The following SSH1 variants were observed in gnomAD, a reference collection of about 807,000 sequenced individuals.
The protein encoded by SSH1 is slingshot protein phosphatase 1.
In SSH1, 43 loss-of-function variants were observed where a neutral mutation model predicts 79.7. The observed-to-expected ratio is 0.54, with a 90% CI of 0.42 to 0.70. The LOEUF is 0.70. Among genes scored for constraint, SSH1 ranks in the 30% least tolerant of loss-of-function variants. SSH1 has a pLI of 0.00. For missense variants in SSH1, 1,206 were observed against 1,358.8 expected (o/e 0.89, Z 1.77); for synonymous variants, 599 against 538.3 (o/e 1.11, Z -1.56).
Position 108,787,784 on chromosome 12 carries a change from C to G in SSH1, c.*204G>C, listed in dbSNP as rs1592994386. ...GCCGGCGGCTCCTGGTTCTCCCAGG[C>G]CACACGACTGACAGCTCCCCTTCTT... On this transcript the variant is annotated 3_prime_UTR_variant, in exon 15 of 15. Coordinates refer to ENST00000326495, the MANE Select transcript of SSH1 (RefSeq NM_018984.4). 1 of 670,954 alleles carries G rather than the reference C, an allele frequency of 1.5e-6. No individual in the cohort carries two copies. The highest frequency in any genetic ancestry group is 2.8e-5 in the East Asian group (1 of 35,610). 41.6% of individuals were successfully genotyped at this position (670,954 alleles called of 1,614,324 possible).
In SSH1 at chr12:108,788,604, T is replaced by A. The variant is rs755165888; in HGVS notation, c.2534A>T (p.Asp845Val). 1.9e-6 allele frequency: 3 copies of A among 1,608,814 alleles called. No homozygotes were observed. In the East Asian group the frequency reaches 6.7e-5, roughly 36 times the overall value. ...GGCCTCCAGCCTGCTGGCAGGGCCA[T>A]CCCTGGAGGGAGGTGCTGGGTCTGC... is the stretch of plus-strand genomic sequence containing the variant. ...VPADPAPPSR[D>V]GPASRLEASI... Residue 845 changes from aspartate (D) to valine (V), a missense_variant, in exon 15 of 15, where the codon GAT becomes GTT. Physicochemically the swap from Asp to Val is radical, Grantham distance 152. Transcript: ENST00000326495.
chr12:108,807,572 G>T lies in SSH1; in HGVS notation c.731+61C>A. 1 of 1,559,534 alleles carries T rather than the reference G, an allele frequency of 6.4e-7. No homozygotes were observed. The highest frequency in any genetic ancestry group is 8.8e-7 in the Non-Finnish European group (1 of 1,133,774). ...AGGTTCAGGGTCGGGCACAGGGCAGGTGGGGGAGAGGCAGGTGCCTGTGGG... is the reference window on the plus strand; with the variant it reads ...AGGTTCAGGGTCGGGCACAGGGCAGTTGGGGGAGAGGCAGGTGCCTGTGGG... On this transcript the variant is annotated intron_variant, in intron 8 of 14. Coordinates refer to ENST00000326495, the MANE Select transcript of SSH1 (RefSeq NM_018984.4). This position sits in a 1 kb window ranked among gnomAD's most constrained non-coding sequence, Gnocchi z 5.2.
intron 2 of SSH1, among the ~76,000 whole-genome samples, chr12:108,833,529 CCTAA>C (rs2038524615): frequency 6.6e-6 from 1 of 152,184 alleles, no homozygotes; most frequent in African/African-American, 2.4e-5. Flanking sequence ...GTCACCGAGT[CCTAA>C]CTTTGTCAGA....
intron 13 of SSH1, 61 bp from the exon 14 acceptor site, chr12:108,792,890 A>C: frequency 1.2e-6 from 2 of 1,605,478 alleles, no homozygotes; most frequent in Non-Finnish European, 1.7e-6. Context: ...GGGTGCTGGG[A>C]AGAGTATGCG....
chr12:108,845,649 T>C (rs1168739517), intron 2 of SSH1, among the ~76,000 whole-genome samples: 1 of 152,232 alleles, frequency 6.6e-6, no homozygotes, highest in African/African-American at 2.4e-5. Context: ...ATTGCGCCAT[T>C]GCACTCTAGC....
intron 7 of SSH1, among the ~76,000 whole-genome samples, chr12:108,809,456 CA>C (rs200047288): frequency 1.3e-3 from 145 of 114,158 alleles, no homozygotes; most frequent in Admixed American, 2.0e-3. Flanking sequence ...GACCCTGTCT[CA>C]AAAAAAAAAA....
At chr12:108,835,895 ATAT>A (rs2038596585) in intron 2 of SSH1, among the ~76,000 whole-genome samples, 1 of 142,524 alleles carries the variant, frequency 7.0e-6, no homozygotes, top group Non-Finnish European at 1.5e-5. Context: ...AATTATAACT[ATAT>A]TAATATAATT....
At chr12:108,826,093 T>A (rs561753669) in intron 2 of SSH1, 4 of 445,442 alleles carry the variant, frequency 9.0e-6, no homozygotes, top group South Asian at 3.2e-5. Flanking sequence ...AAAAAAAAAA[T>A]TCATACTGAC....
chr12:108,799,955 G>A (rs867645167), intron 12 of SSH1, among the ~76,000 whole-genome samples: 8 of 152,204 alleles, frequency 5.3e-5, no homozygotes, highest in African/African-American at 4.8e-5. Flanking sequence ...GGTGGGAGCC[G>A]GCTCTGGTTT....
intron 2 of SSH1, among the ~76,000 whole-genome samples, chr12:108,847,866 G>A (rs796926735): frequency 2.6e-5 from 4 of 152,308 alleles, no homozygotes; most frequent in African/African-American, 9.6e-5. Flanking sequence ...ATTGTAAGGC[G>A]GGTGTGGCAC....
At chr12:108,836,842 C>T in intron 2 of SSH1, 1 of 506,986 alleles carries the variant, frequency 2.0e-6, no homozygotes. Flanking sequence ...GGTGATGTTC[C>T]AGCCAAATAC....
chr12:108,805,972 G>T (rs2037250617), intron 9 of SSH1, among the ~76,000 whole-genome samples: 1 of 151,954 alleles, frequency 6.6e-6, no homozygotes, highest in Admixed American at 6.6e-5. Context: ...AGAACAAGGG[G>T]GTGTTATTAA....
intron 13 of SSH1, among the ~76,000 whole-genome samples, chr12:108,796,192 G>A (rs889126641): frequency 2.0e-5 from 3 of 152,008 alleles, no homozygotes; most frequent in African/African-American, 4.8e-5. Flanking sequence ...CTGGGATTAC[G>A]GGCATGAGCC....
At chr12:108,830,552 G>A (rs898599901) in intron 2 of SSH1, among the ~76,000 whole-genome samples, 4 of 152,076 alleles carry the variant, frequency 2.6e-5, no homozygotes, top group Admixed American at 6.6e-5. Flanking sequence ...ATAGGTACAC[G>A]TCGATGTTTT....
intron 11 of SSH1, 70 bp downstream of exon 11, chr12:108,802,252 C>G: frequency 1.4e-6 from 2 of 1,468,926 alleles, no homozygotes; most frequent in Non-Finnish European, 1.9e-6. Context: ...AAGGTCTCCC[C>G]CTCCATGGCA....
rs987752216 is a variant in SSH1, at chr12:108,778,761, C to T, written c.*9227G>A. ...GGTCTACCACCACCACCACCACCAC[C>T]ACCACAATGTACCATTTGTGGGATA... On this transcript the variant is annotated 3_prime_UTR_variant, in exon 15 of 15. Transcript: ENST00000326495. 7.8e-5 allele frequency: 12 copies of T among 153,534 alleles called. No homozygotes were observed. Among genetic ancestry groups the T allele is most frequent in the African/African-American group, 2.9e-4 (12 of 41,476 alleles). The allele number at this position is 153,534 out of a possible 1,614,324, so 9.5% of individuals were successfully genotyped here.
intron 2 of SSH1, among the ~76,000 whole-genome samples, chr12:108,840,863 C>T (rs956269901): frequency 1.3e-5 from 2 of 152,220 alleles, no homozygotes; most frequent in Admixed American, 6.5e-5. Context: ...CTCAGTAGCC[C>T]GGCTGGTTTT....
In SSH1 at chr12:108,789,192, C is replaced by A; in HGVS notation, c.1946G>T (p.Cys649Phe). The change falls in exon 15 of 15, where the codon TGT becomes TTT. Residue 649 changes from cysteine to phenylalanine, a missense_variant. By Grantham distance (205) the Cys-to-Phe change is radical (BLOSUM62 -2). Around this residue, in one of 5 missense-constraint regions of SSH1, gnomAD observed 709 missense variants for 730.6 expected, o/e 0.97. Transcript: ENST00000326495. ...GGCTGTAGGGTACATGCAGTCGGCA[C>A]AGGATTTATAGGAAGGCTTCACTTT... is the stretch of plus-strand genomic sequence containing the variant. The part of the protein sequence containing the change: ...LNKVKPSYKS[C>F]ADCMYPTASG... 1 of 1,608,288 alleles carries A rather than the reference C, an allele frequency of 6.2e-7. No individual in the cohort carries two copies. Among genetic ancestry groups the A allele is most frequent in the Admixed American group, 1.7e-5 (1 of 58,604 alleles).
intron 10 of SSH1, among the ~76,000 whole-genome samples, chr12:108,804,662 G>A (rs1379019213): frequency 6.6e-6 from 1 of 152,156 alleles, no homozygotes; most frequent in African/African-American, 2.4e-5. Flanking sequence ...CATAATTCTG[G>A]GGTTTGGTGA....
Sources: allele counts gnomAD v4.1 joint callset (sites outside exome capture counted in the v4.1 genomes callset), GRCh38; gene constraint gnomAD v4.1.1; regional missense constraint gnomAD v4.1.1; non-coding constraint Gnocchi (gnomAD v3.1); transcripts MANE v1.5; gene names NCBI Gene and HGNC (gene_info 2026-07-23, HGNC 2026-07-21).